TOR3A: variants seen among roughly 807,000 people sequenced by gnomAD.
TOR3A encodes torsin family 3 member A, also known as torsin-3A.
In TOR3A, 44 loss-of-function variants were observed where a neutral mutation model predicts 42.1. The ratio of observed to expected loss-of-function variants is 1.04; its 90% CI spans 0.82 to 1.34. The LOEUF is 1.34. Among genes scored for constraint, TOR3A ranks in the 40% most tolerant of loss-of-function variants. The pLI is 0.00. For synonymous variants in TOR3A, 227 were observed against 213.2 expected (o/e 1.06, Z -0.57); for missense variants, 521 against 507.6 (o/e 1.03, Z -0.25).
rs1652718003 is a variant in TOR3A at position 179,095,522 on chromosome 1, T to C, written c.*304T>C. The C allele has an allele frequency of 8.3e-7, 1 of 1,211,364 alleles. No individual in the cohort carries two copies. The highest frequency in any genetic ancestry group is 4.4e-5 in the East Asian group (1 of 22,892). 75.0% of individuals were successfully genotyped at this position (1,211,364 alleles called of 1,614,324 possible). ...ACACGCATTCCAAAGTGGAATGTGG[T>C]TGAAGAAAGTGGGCCAGGTGGTTGA... On this transcript the variant is annotated 3_prime_UTR_variant, in exon 6 of 6. Transcript: ENST00000367627.
intron 4 of TOR3A, among the ~76,000 whole-genome samples, chr1:179,089,547 G>C (rs1350892215): frequency 7.4e-6 from 1 of 135,920 alleles, no homozygotes; most frequent in African/African-American, 2.5e-5. Context: ...CATTCTTCCA[G>C]TTAGTTCTTA....
Position 179,087,883 on chromosome 1 carries a change from C to T in TOR3A, c.640-28C>T, listed in dbSNP as rs763289279. On this transcript the variant is annotated intron_variant, in intron 3 of 5. Transcript: ENST00000367627. ...CCGGAGGTGGAAGGAGTCACCACTT[C>T]CCCAGCTGCTCCCTATATCCCGTGC... The T allele has an allele frequency of 5.9e-6, 9 of 1,515,848 alleles. No homozygotes were observed. In the African/African-American group the frequency reaches 9.8e-5, roughly 17 times the overall value. The allele number at this position is 1,515,848 out of a possible 1,614,324, so 93.9% of individuals were successfully genotyped here. A position where few individuals can be genotyped will look rare whatever the true frequency, so the allele number is the denominator to read the frequency against.
chr1:179,093,215 C>T (rs148449439), intron 4 of TOR3A, among the ~76,000 whole-genome samples: 116 of 152,274 alleles, frequency 7.6e-4, no homozygotes, highest in African/African-American at 2.6e-3. Context: ...GGTGGCTCTA[C>T]GGTTGCATCT....
rs764154608 is a variant in TOR3A, at chr1:179,088,059, A to G, written c.788A>G (p.Glu263Gly). ...CGGGCCCCTGAGGGCCACAGGGCTG[A>G]GTCTCCATGGACTATCTTTCTGTTT... is the stretch of plus-strand genomic sequence containing the variant. The part of the protein sequence containing the change: ...ERRAPEGHRA[E>G]SPWTIFLFLS... Residue 263 changes from glutamate to glycine, a missense_variant, in exon 4 of 6, where the codon GAG becomes GGG. By Grantham distance (98) the Glu-to-Gly change is moderately conservative (BLOSUM62 -2). Coordinates refer to ENST00000367627, the MANE Select transcript of TOR3A (RefSeq NM_022371.4). 1 of 1,607,472 alleles carries G rather than the reference A, an allele frequency of 6.2e-7. No individual in the cohort carries two copies. The highest frequency in any genetic ancestry group is 1.1e-5 in the South Asian group (1 of 90,426).
In TOR3A at chr1:179,087,953, C is replaced by T. The variant is rs763312561; in HGVS notation, c.682C>T (p.His228Tyr). The T allele has an allele frequency of 4.3e-6, 7 of 1,609,424 alleles. No homozygotes were observed. In the East Asian group the frequency reaches 1.1e-4, roughly 26 times the overall value. ...GATCCGGGAGACGCAGCAGCTCTGCCACCAGACCCTGTTCATCTTCGATGA... is the reference window on the plus strand; with the variant it reads ...GATCCGGGAGACGCAGCAGCTCTGCTACCAGACCCTGTTCATCTTCGATGA... Reference protein sequence around the residue: ...SQIRETQQLCHQTLFIFDEAE... With the variant: ...SQIRETQQLCYQTLFIFDEAE... Residue 228 changes from histidine to tyrosine, a missense_variant, in exon 4 of 6, where the codon CAC (histidine) becomes TAC (tyrosine). Transcript: ENST00000367627.
chr1:179,093,656 G>T (rs1315292926), intron 4 of TOR3A, among the ~76,000 whole-genome samples: 2 of 152,094 alleles, frequency 1.3e-5, no homozygotes, highest in African/African-American at 2.4e-5. Flanking sequence ...TCCCTTCCTT[G>T]CCAAGTGTCT....
chr1:179,094,666 T>TCCAGGAGATCTAGA, intron 5 of TOR3A, among the ~76,000 whole-genome samples: 1 of 151,914 alleles, frequency 6.6e-6, no homozygotes, highest in Non-Finnish European at 1.5e-5. Context: ...ATCACTTGAG[T>TCCAGGAGATCTAGA]CCAGGAGATC....
At position 179,085,612 on chromosome 1, in the gene TOR3A, T is replaced by C; in HGVS notation, c.374-16T>C. The stretch of plus-strand genomic sequence containing the variant: ...GTGTGTGCCTTTTGCTGTGACTACC[T>C]CTTTCCTGTCCTTAGGCTTAGAGTG... On this transcript the variant is annotated splice_polypyrimidine_tract_variant and intron_variant, in intron 2 of 5. Transcript: ENST00000367627. 2 of 1,611,464 alleles carry C rather than the reference T, an allele frequency of 1.2e-6. No individual in the cohort carries two copies.
At chr1:179,089,145 G>A (rs1021970372) in intron 4 of TOR3A, among the ~76,000 whole-genome samples, 9 of 152,016 alleles carry the variant, frequency 5.9e-5, no homozygotes, top group Non-Finnish European at 1.3e-4. Flanking sequence ...TCCAGGCGCA[G>A]TGGCCTGTCT....
Position 179,095,294 on chromosome 1 carries a change from G to A in TOR3A, c.*76G>A. 1.3e-6 allele frequency: 2 copies of A among 1,583,798 alleles called. No homozygotes were observed. The highest frequency in any genetic ancestry group is 1.3e-5 in the African/African-American group (1 of 74,430). ...TGGGACCTGTAGGAGCACCCCGTTTGGGACTGTGAGGTGTTTGAGGGTGTG... is the reference window on the plus strand; with the variant it reads ...TGGGACCTGTAGGAGCACCCCGTTTAGGACTGTGAGGTGTTTGAGGGTGTG... On this transcript the variant is annotated 3_prime_UTR_variant, in exon 6 of 6. Transcript: ENST00000367627.
intron 2 of TOR3A, among the ~76,000 whole-genome samples, chr1:179,083,842 T>C (rs1227184205): frequency 1.3e-5 from 2 of 152,204 alleles, no homozygotes; most frequent in Admixed American, 6.5e-5. Flanking sequence ...TTCCTCTCTT[T>C]TCCCCAGGAG....
rs776182319 is a variant in TOR3A, at chr1:179,085,753, GGC to G, written c.500_501del (p.Gly167ValfsTer25). On this transcript the variant is annotated frameshift_variant, in exon 3 of 6. Transcript: ENST00000367627. LOFTEE classifies it high-confidence loss of function. ...AAAGGCCCTTGCTCTGTCGTTCCAC[GGC>G]TGGTCTGGCACAGGCAAGAACTTCG... Reference protein sequence around the residue: ...PEKALALSFHGWSGTGKNFVA... With the variant: ...PEKALALSFHXWSGTGKNFVA... 51 of 1,614,078 alleles carry G rather than the reference GGC, an allele frequency of 3.2e-5. No individual in the cohort carries two copies. The highest frequency in any genetic ancestry group is 4.1e-5 in the Non-Finnish European group (48 of 1,180,058).
rs1483707777 is a variant in TOR3A, at chr1:179,082,300, C to T, written c.172C>T (p.Leu58Phe). 1.6e-5 allele frequency: 26 copies of T among 1,589,202 alleles called. No individual in the cohort carries two copies. The highest frequency in any genetic ancestry group is 8.7e-5 in the Admixed American group (5 of 57,596). Residue 58 changes from leucine (L) to phenylalanine (F), a missense_variant, in exon 1 of 6, where the codon CTC (leucine) becomes TTC (phenylalanine). Transcript: ENST00000367627. ...LQEQLRAAGA[L>F]SKRYWTLFSC... ...GGAGCAGCTCAGGGCGGCGGGTGCC[C>T]TCTCCAAGCGGTACTGGACGCTCTT...
chr1:179,088,889 C>G (rs753406652), intron 4 of TOR3A, among the ~76,000 whole-genome samples: 1 of 152,168 alleles, frequency 6.6e-6, no homozygotes, highest in Non-Finnish European at 1.5e-5. Context: ...CACAACAGCT[C>G]GAGCCTCGGT....
At chr1:179,087,884 C>A (rs199612257) in intron 3 of TOR3A, 27 bp from the exon 4 acceptor site, 2 of 1,514,940 alleles carry the variant, frequency 1.3e-6, no homozygotes, top group Non-Finnish European at 1.8e-6. Flanking sequence ...TCACCACTTC[C>A]CCAGCTGCTC....
In TOR3A at chr1:179,095,147, A is replaced by T. The variant is rs781140828; in HGVS notation, c.1123A>T (p.Lys375Ter). 3.1e-6 allele frequency: 5 copies of T among 1,614,072 alleles called. No homozygotes were observed. Among genetic ancestry groups the T allele is most frequent in the Non-Finnish European group, 4.2e-6 (5 of 1,180,048 alleles). Residue 375 changes from lysine to a stop codon, truncating the protein, a stop_gained, in exon 6 of 6, where the codon AAG becomes TAG. Transcript: ENST00000367627. LOFTEE classifies it high-confidence loss of function. ...AGCCCAGATGATGGTGTATGTCCCC[A>T]AGGAGGAACAACTCTTTTCTTCCCA... ...EIAQMMVYVP[K>*]EEQLFSSQGC...
In TOR3A at chr1:179,085,454, A is replaced by T. The variant is rs558573784; in HGVS notation, c.374-174A>T. On this transcript the variant is annotated intron_variant, in intron 2 of 5. Coordinates refer to ENST00000367627, the MANE Select transcript of TOR3A (RefSeq NM_022371.4). ...AAAAAAAAAAAGAAAGTAGTCCTTG[A>T]ATCCCTTCTGCTACAAAGTCTGCCC... The T allele has an allele frequency of 1.2e-5, 9 of 741,778 alleles. No individual in the cohort carries two copies. In the East Asian group the frequency reaches 2.2e-4, roughly 18 times the overall value. The allele number at this position is 741,778 out of a possible 1,614,324, so 45.9% of individuals were successfully genotyped here.
Position 179,094,106 on chromosome 1 carries a change from G to T in TOR3A, c.832G>T (p.Asp278Tyr). 1 of 1,613,594 alleles carries T rather than the reference G, an allele frequency of 6.2e-7. No homozygotes were observed. The highest frequency in any genetic ancestry group is 1.3e-5 in the African/African-American group (1 of 75,006). Residue 278 changes from aspartate to tyrosine, a missense_variant, in exon 5 of 6, where the codon GAT (aspartate) becomes TAT (tyrosine). Asp to Tyr is a radical substitution (Grantham distance 160). Transcript: ENST00000367627. The part of the protein sequence containing the change: ...IFLFLSNLRG[D>Y]IINEVVLKLL... ...TGTCTCTTTCAGTAATCTCAGGGGC[G>T]ATATAATCAATGAGGTGGTCCTAAA...
rs368872192 is a variant in TOR3A, at chr1:179,082,227, C to T, written c.99C>T (p.Thr33=). 124 of 1,515,766 alleles carry T rather than the reference C, an allele frequency of 8.2e-5. 2 individuals carry two copies. In the East Asian group the frequency reaches 2.0e-3, roughly 25 times the overall value. The allele number at this position is 1,515,766 out of a possible 1,614,324, so 93.9% of individuals were successfully genotyped here. Reference sequence around the variant, plus strand: ...GCGCCTCCAGGCCGTGGGAGGGAACCGACGAGCCGGGCTCGGCCTGGGCCT... The same window carrying T: ...GCGCCTCCAGGCCGTGGGAGGGAACTGACGAGCCGGGCTCGGCCTGGGCCT... ...PRGASRPWEG[T]DEPGSAWAWP... is the part of the protein sequence containing the mutation. The change falls in exon 1 of 6, where the codon ACC becomes ACT. Residue 33 remains threonine, a synonymous_variant. Coordinates refer to ENST00000367627, the MANE Select transcript of TOR3A (RefSeq NM_022371.4).
Sources: allele counts gnomAD v4.1 joint callset (sites outside exome capture counted in the v4.1 genomes callset), GRCh38; gene constraint gnomAD v4.1.1; transcripts MANE v1.5; gene names NCBI Gene and HGNC (gene_info 2026-07-23, HGNC 2026-07-21).